Variants in ITGA9 observed in about 807,000 individuals in gnomAD.
The protein encoded by ITGA9 is integrin alpha-9.
ITGA9 carries 56 observed loss-of-function variants against 127.8 expected under a neutral mutation model. The ratio of observed to expected loss-of-function variants is 0.44; its 90% CI spans 0.35 to 0.55. ITGA9 has a LOEUF of 0.55. ITGA9 is among the 20% of genes least tolerant of loss of function. The pLI is 0.00. For missense variants in ITGA9, 1,196 were observed against 1,347.1 expected (o/e 0.89, Z 1.76); for synonymous variants, 508 against 514.5 (o/e 0.99, Z 0.17).
intron 27 of ITGA9, among the ~76,000 whole-genome samples, chr3:37,812,576 T>C (rs145753721): frequency 3.9e-5 from 6 of 152,250 alleles, no homozygotes; most frequent in Admixed American, 2.0e-4. Flanking sequence ...TTCTGGTTGC[T>C]TTTGGATACA....
intron 12 of ITGA9, 22 bp from the exon 13 acceptor site, chr3:37,526,004 G>T: frequency 6.2e-7 from 1 of 1,612,042 alleles, no homozygotes; most frequent in Non-Finnish European, 8.5e-7. Context: ...GTTTCTGAAC[G>T]CTGTAAACTT....
chr3:37,714,383 G>A (rs992043865), intron 18 of ITGA9, among the ~76,000 whole-genome samples: 2 of 152,244 alleles, frequency 1.3e-5, no homozygotes, highest in Non-Finnish European at 2.9e-5. Flanking sequence ...ACTGGAGGCA[G>A]CTTGGAGGGA....
intron 18 of ITGA9, among the ~76,000 whole-genome samples, chr3:37,688,439 A>C (rs1424098656): frequency 6.6e-6 from 1 of 152,232 alleles, no homozygotes; most frequent in East Asian, 1.9e-4. Flanking sequence ...TAAATGCATA[A>C]TTTAAAAGAT....
chr3:37,617,288 G>T (rs1700084027), intron 15 of ITGA9, among the ~76,000 whole-genome samples: 1 of 152,144 alleles, frequency 6.6e-6, no homozygotes. Flanking sequence ...TTGAATATTG[G>T]CCCCCACTCC....
At chr3:37,603,079 C>A (rs1459537409) in intron 15 of ITGA9, among the ~76,000 whole-genome samples, 1 of 152,192 alleles carries the variant, frequency 6.6e-6, no homozygotes, top group African/African-American at 2.4e-5. Flanking sequence ...TACACCCTAG[C>A]CTTTCAATTC....
intron 3 of ITGA9, among the ~76,000 whole-genome samples, chr3:37,479,582 G>A (rs917561033): frequency 1.1e-4 from 17 of 152,180 alleles, no homozygotes; most frequent in Non-Finnish European, 2.5e-4. Context: ...TCACTCACTC[G>A]GTGACGTGGG....
At chr3:37,721,177 AG>A (rs1399197882) in intron 18 of ITGA9, among the ~76,000 whole-genome samples, 1 of 135,290 alleles carries the variant, frequency 7.4e-6, no homozygotes, top group Non-Finnish European at 1.5e-5. Context: ...GCTGGAGTGC[AG>A]TGGTGCAATC....
At chr3:37,776,362 A>G (rs1296415615) in intron 23 of ITGA9, among the ~76,000 whole-genome samples, 2 of 152,210 alleles carry the variant, frequency 1.3e-5, no homozygotes, top group African/African-American at 2.4e-5. Flanking sequence ...CAACAGCAAA[A>G]AAAGTTTTTG....
intron 18 of ITGA9, among the ~76,000 whole-genome samples, chr3:37,686,142 A>G (rs530209840): frequency 1.3e-5 from 2 of 151,150 alleles, no homozygotes; most frequent in Non-Finnish European, 3.0e-5. Flanking sequence ...TTGACCACCT[A>G]CTATACACCA....
At chr3:37,512,120 C>CTTTCCTTTTCTTTTCT in intron 8 of ITGA9, among the ~76,000 whole-genome samples, 1 of 39,466 alleles carries the variant, frequency 2.5e-5, no homozygotes, top group South Asian at 8.8e-4. Context: ...TTCCTTCCTT[C>CTTTCCTTTTCTTTTCT]TTTCTTTTCT....
chr3:37,766,888 A>G (rs143661452), intron 23 of ITGA9, among the ~76,000 whole-genome samples: 2,128 of 152,342 alleles, frequency 0.014, 24 homozygotes, highest in Non-Finnish European at 0.023. Context: ...CTTTTGTGTC[A>G]CTGCCTCTCT....
intron 5 of ITGA9, among the ~76,000 whole-genome samples, chr3:37,496,841 T>G (rs1198893786): frequency 6.6e-6 from 1 of 152,194 alleles, no homozygotes; most frequent in Non-Finnish European, 1.5e-5. Flanking sequence ...CGTGGCTCCT[T>G]GTACACAAGT....
chr3:37,702,692 C>A (rs1700960583), intron 18 of ITGA9, among the ~76,000 whole-genome samples: 1 of 152,072 alleles, frequency 6.6e-6, no homozygotes, highest in African/African-American at 2.4e-5. Flanking sequence ...GGAGACCTCA[C>A]GGTACAGTCA....
intron 15 of ITGA9, among the ~76,000 whole-genome samples, chr3:37,590,836 G>A (rs572060792): frequency 9.8e-5 from 15 of 152,288 alleles, no homozygotes; most frequent in Non-Finnish European, 1.9e-4. Context: ...GCCTCCAGCC[G>A]ATATGCCTAC....
chr3:37,473,779 TAC>T (rs1351463016), intron 3 of ITGA9, among the ~76,000 whole-genome samples: 1 of 152,218 alleles, frequency 6.6e-6, no homozygotes, highest in African/African-American at 2.4e-5. Context: ...ATCTTAAGAT[TAC>T]AGTCTTGATT....
At chr3:37,574,263 C>T (rs1699631261) in intron 15 of ITGA9, among the ~76,000 whole-genome samples, 1 of 152,098 alleles carries the variant, frequency 6.6e-6, no homozygotes, top group Admixed American at 6.5e-5. Context: ...TTTGCCACTC[C>T]CCACCAAAAT....
intron 15 of ITGA9, among the ~76,000 whole-genome samples, chr3:37,619,668 CAGTT>C (rs1700109198): frequency 6.6e-6 from 1 of 152,144 alleles, no homozygotes; most frequent in Non-Finnish European, 1.5e-5. Flanking sequence ...CAGTTTTTGT[CAGTT>C]AGGAGTCTGA....
At chr3:37,585,796 G>GCCC (rs3044748) in intron 15 of ITGA9, among the ~76,000 whole-genome samples, 10 of 151,764 alleles carry the variant, frequency 6.6e-5, no homozygotes, top group African/African-American at 2.4e-4. Flanking sequence ...GAAGAAGGGG[G>GCCC]CCCCCCCAAT....
intron 3 of ITGA9, among the ~76,000 whole-genome samples, chr3:37,475,790 A>G (rs1335381901): frequency 6.6e-6 from 1 of 152,228 alleles, no homozygotes; most frequent in Admixed American, 6.5e-5. Context: ...TGGTAAATGT[A>G]TGGCACATTG....
Sources: allele counts gnomAD v4.1 joint callset (sites outside exome capture counted in the v4.1 genomes callset), GRCh38; gene constraint gnomAD v4.1.1; transcripts MANE v1.5; gene names NCBI Gene and HGNC (gene_info 2026-07-23, HGNC 2026-07-21).